KALRN: variants seen among roughly 807,000 people sequenced by gnomAD.
KALRN encodes the protein kalirin.
KALRN carries 70 observed loss-of-function variants against 353.7 expected under a neutral mutation model. That is an observed-to-expected ratio of 0.20 (90% CI 0.16 to 0.24). The LOEUF is 0.24. Ranked by LOEUF, KALRN falls within the 10% of genes least tolerant of loss-of-function variation. KALRN has a pLI of 1.00. For missense variants in KALRN, 2,791 were observed against 3,756.7 expected, an observed-to-expected ratio of 0.74 and a Z score of 6.72; for synonymous variants, 1,391 against 1,434.8, an observed-to-expected ratio of 0.97 and a Z score of 0.69.
At chr3:124,481,007 G>C (rs1002573207) in intron 27 of KALRN, among the ~76,000 whole-genome samples, 2 of 151,896 alleles carry the variant, frequency 1.3e-5, no homozygotes, top group Non-Finnish European at 2.9e-5. Flanking sequence ...TATTTCTCTT[G>C]AGTATATACC....
intron 14 of KALRN, among the ~76,000 whole-genome samples, chr3:124,417,270 C>A (rs1380422953): frequency 1.3e-5 from 2 of 152,184 alleles, no homozygotes; most frequent in Non-Finnish European, 2.9e-5. Flanking sequence ...TCTCTTTAGA[C>A]TTTAGTTTCT....
chr3:124,384,805 C>G, intron 10 of KALRN, 40 bp from the exon 11 acceptor site: 1 of 1,535,004 alleles, frequency 6.5e-7, no homozygotes, highest in South Asian at 1.3e-5. Flanking sequence ...CTGGAAGGCG[C>G]GACTGCAACT....
At chr3:124,162,441 C>G (rs987877969) in intron 1 of KALRN, 13 of 152,146 alleles carry the variant, frequency 8.5e-5, no homozygotes, top group African/African-American at 3.1e-4. Context: ...TGTCTCCTCG[C>G]TGAAAGGTAA....
At chr3:124,663,215 G>T (rs1211141757) in intron 45 of KALRN, among the ~76,000 whole-genome samples, 1 of 152,188 alleles carries the variant, frequency 6.6e-6, no homozygotes, top group Non-Finnish European at 1.5e-5. Flanking sequence ...CCAAAGTGCT[G>T]GGATTATAGG....
At chr3:124,686,291 C>T (rs1250094472) in intron 51 of KALRN, among the ~76,000 whole-genome samples, 1 of 152,212 alleles carries the variant, frequency 6.6e-6, no homozygotes, top group East Asian at 1.9e-4. Flanking sequence ...TGGCTCTGTG[C>T]TGAGCTCCCA....
chr3:124,660,607 G>A (rs1386748078), intron 43 of KALRN, among the ~76,000 whole-genome samples: 2 of 150,598 alleles, frequency 1.3e-5, no homozygotes, highest in Non-Finnish European at 2.9e-5. Context: ...CTTGAACCTA[G>A]GAGGCACAGG....
rs2070802667 is a variant in KALRN at position 124,166,084 on chromosome 3, C to G, written c.74-61906C>G. On this transcript the variant is annotated intron_variant, in intron 1 of 59. Transcript: ENST00000682506. ...ATTCAGGCCCTCCCTCAAATGCCAT[C>G]TCCTCAAAGTGGCCTTTCTTAACCA... is the stretch of plus-strand genomic sequence containing the variant. 2.0e-5 allele frequency among the ~76,000 whole-genome samples: 3 copies of G among 152,158 alleles called. No homozygotes were observed. In the South Asian group the frequency reaches 6.2e-4, roughly 32 times the overall value.
chr3:124,697,303 C>A (rs2062100668), intron 54 of KALRN, among the ~76,000 whole-genome samples: 1 of 152,182 alleles, frequency 6.6e-6, no homozygotes, highest in African/African-American at 2.4e-5. Flanking sequence ...GAGAACGAAT[C>A]TTTGCTAAGA....
Position 124,438,981 on chromosome 3 carries a change from G to A in KALRN, c.3142G>A (p.Asp1048Asn), listed in dbSNP as rs2093572946. 13 of 1,613,990 alleles carry A rather than the reference G, an allele frequency of 8.1e-6. No homozygotes were observed. The highest frequency in any genetic ancestry group is 1.7e-5 in the Admixed American group (1 of 59,990). The change falls in exon 18 of 60, where the codon GAC becomes AAC. Residue 1048 changes from aspartate (D) to asparagine (N), a missense_variant. Coordinates refer to ENST00000682506, the MANE Select transcript of KALRN (RefSeq NM_001388419.1). ...TAAGCTGGGGCCAGCAGCAGAGATC[G>A]ACCATGTCATTCCCCTCATCAGCAA... ...RDKLGPAAEI[D>N]HVIPLISKHL...
chr3:124,232,696 C>T (rs2079300156), intron 2 of KALRN, among the ~76,000 whole-genome samples: 1 of 152,062 alleles, frequency 6.6e-6, no homozygotes, highest in South Asian at 2.1e-4. Context: ...CCTCTTGACT[C>T]CTTATCTACA....
At chr3:124,108,944 G>A (rs545349362) in intron 1 of KALRN, among the ~76,000 whole-genome samples, 20 of 152,184 alleles carry the variant, frequency 1.3e-4, no homozygotes, top group African/African-American at 4.8e-4. Flanking sequence ...GGATGCTTTT[G>A]GCTGCAGGTA....
chr3:124,696,341 G>A (rs1346265328), intron 54 of KALRN, 86 bp downstream of exon 54: 19 of 1,332,860 alleles, frequency 1.4e-5, no homozygotes, highest in Admixed American at 4.0e-5. Context: ...CATGATCTCT[G>A]TTCATGGCAG....
At chr3:124,408,818 G>A (rs571933102) in intron 13 of KALRN, among the ~76,000 whole-genome samples, 1 of 152,288 alleles carries the variant, frequency 6.6e-6, no homozygotes, top group East Asian at 1.9e-4. Flanking sequence ...AAATACTGGG[G>A]AAGACCAAGA....
At chr3:124,616,374 C>T (rs917744835) in intron 34 of KALRN, among the ~76,000 whole-genome samples, 6 of 152,192 alleles carry the variant, frequency 3.9e-5, no homozygotes, top group African/African-American at 1.4e-4. Context: ...TGTGATAGTA[C>T]ATAAGCCTAA....
chr3:124,143,308 T>G (rs1466862565), intron 1 of KALRN, among the ~76,000 whole-genome samples: 2 of 152,194 alleles, frequency 1.3e-5, no homozygotes, highest in Non-Finnish European at 1.5e-5. Flanking sequence ...CCCTCTCTAT[T>G]TTCTGGAAAC....
chr3:124,365,788 C>G (rs1297923514), intron 10 of KALRN, among the ~76,000 whole-genome samples: 1 of 152,214 alleles, frequency 6.6e-6, no homozygotes, highest in Non-Finnish European at 1.5e-5. Flanking sequence ...GCTGTTAGTT[C>G]TATGCCATGA....
chr3:124,199,847 CA>C (rs1384797410), intron 1 of KALRN, among the ~76,000 whole-genome samples: 1 of 152,164 alleles, frequency 6.6e-6, no homozygotes, highest in Non-Finnish European at 1.5e-5. Context: ...ACAAGATGGC[CA>C]CTGGAAGGCA....
intron 33 of KALRN, among the ~76,000 whole-genome samples, chr3:124,559,163 A>G (rs1011444117): frequency 1.3e-5 from 2 of 152,238 alleles, no homozygotes; most frequent in African/African-American, 4.8e-5. Flanking sequence ...CAGCACAGCT[A>G]TCACTGTGGA....
At chr3:124,036,135 G>A (rs1486311558) in intron 1 of KALRN, among the ~76,000 whole-genome samples, 3 of 152,086 alleles carry the variant, frequency 2.0e-5, no homozygotes, top group East Asian at 1.9e-4. Context: ...TGTCACAGGG[G>A]TTTCGTATAC....
Sources: gnomAD v4.1 joint callset for allele counts (sites outside exome capture counted in the v4.1 genomes callset) on GRCh38, gnomAD v4.1.1 for gene constraint, MANE v1.5 for transcripts, NCBI Gene and HGNC (gene_info 2026-07-23, HGNC 2026-07-21) for gene names.